PPARGC1B: variants seen among roughly 807,000 people sequenced by gnomAD.
PPARGC1B encodes peroxisome proliferator-activated receptor gamma coactivator 1-beta.
A neutral mutation model predicts 101.6 loss-of-function variants in PPARGC1B; 34 were observed. The observed-to-expected ratio is 0.33, with a 90% CI of 0.25 to 0.45. The LOEUF is 0.45. Ranked by LOEUF, PPARGC1B falls within the 20% of genes least tolerant of loss-of-function variation. The pLI is 1.00. For missense variants in PPARGC1B, 1,234 were observed against 1,317.6 expected (o/e 0.94, Z 0.98); for synonymous variants, 548 against 539.3 (o/e 1.02, Z -0.22).
chr5:149,776,874 G>A (rs1263115267), intron 1 of PPARGC1B, among the ~76,000 whole-genome samples: 4 of 152,206 alleles, frequency 2.6e-5, no homozygotes, highest in Admixed American at 2.6e-4. Flanking sequence ...GACAGGGAGA[G>A]GCTCTCCTGG....
intron 6 of PPARGC1B, 131 bp from the exon 7 acceptor site, chr5:149,835,170 T>G (rs1028750676): frequency 3.7e-6 from 3 of 816,930 alleles, no homozygotes; most frequent in Non-Finnish European, 2.1e-6. Flanking sequence ...CGAATGCATC[T>G]CAGGCTCCAT....
chr5:149,801,514 G>C (rs1757429029), intron 1 of PPARGC1B, among the ~76,000 whole-genome samples: 1 of 152,224 alleles, frequency 6.6e-6, no homozygotes, highest in South Asian at 2.1e-4. Flanking sequence ...GCAGGACTCA[G>C]AGTGGCAGTA....
At position 149,788,549 on chromosome 5, in the gene PPARGC1B, C is replaced by T. The variant is rs1238196126; in HGVS notation, c.79-31884C>T. ...CTTAAGGATCTAGAACTAGAAATAA[C>T]ATTTGACCCAGCCATCCCATTACTG... On this transcript the variant is annotated intron_variant, in intron 1 of 11. Transcript: ENST00000309241. Among the ~76,000 whole-genome samples the T allele has an allele frequency of 3.9e-5, 6 of 152,302 alleles. No homozygotes were observed. The East Asian group carries it at 7.7e-4, about 20-fold the overall frequency.
chr5:149,741,626 C>CTT (rs11332172), intron 1 of PPARGC1B, among the ~76,000 whole-genome samples: 58 of 139,470 alleles, frequency 4.2e-4, no homozygotes, highest in East Asian at 6.3e-4. Flanking sequence ...CCAAAATATT[C>CTT]TTTTTTTTTT....
At chr5:149,776,147 A>G (rs1392888475) in intron 1 of PPARGC1B, among the ~76,000 whole-genome samples, 1 of 141,092 alleles carries the variant, frequency 7.1e-6, no homozygotes, top group African/African-American at 2.5e-5. Context: ...TGTACATTCT[A>G]TTCTAACTCT....
At chr5:149,783,700 T>C (rs559350161) in intron 1 of PPARGC1B, among the ~76,000 whole-genome samples, 6 of 152,314 alleles carry the variant, frequency 3.9e-5, no homozygotes, top group African/African-American at 1.4e-4. Context: ...GGGTTTCAAA[T>C]TCCCCCTCTT....
At chr5:149,821,668 G>A (rs1758303487) in intron 2 of PPARGC1B, among the ~76,000 whole-genome samples, 2 of 152,138 alleles carry the variant, frequency 1.3e-5, no homozygotes, top group Non-Finnish European at 2.9e-5. Context: ...CTCTCCAAGC[G>A]TCCTCCTCAT....
chr5:149,769,957 C>T (rs1051356570), intron 1 of PPARGC1B, among the ~76,000 whole-genome samples: 2 of 152,088 alleles, frequency 1.3e-5, no homozygotes. Flanking sequence ...TCGGCAGAGT[C>T]CCTTTTGCCC....
intron 1 of PPARGC1B, among the ~76,000 whole-genome samples, chr5:149,751,455 C>T (rs1378618294): frequency 6.6e-6 from 1 of 152,132 alleles, no homozygotes; most frequent in Non-Finnish European, 1.5e-5. Context: ...CCTGTAATCC[C>T]AGCACTTTGG....
intron 1 of PPARGC1B, among the ~76,000 whole-genome samples, chr5:149,818,412 G>C (rs1269406402): frequency 1.3e-5 from 2 of 152,170 alleles, no homozygotes; most frequent in Non-Finnish European, 2.9e-5. Flanking sequence ...GTGGGGCCAT[G>C]CTCCCAGAGA....
intron 1 of PPARGC1B, among the ~76,000 whole-genome samples, chr5:149,745,389 C>A (rs1347209925): frequency 6.6e-6 from 1 of 152,166 alleles, no homozygotes; most frequent in Non-Finnish European, 1.5e-5. Context: ...AATTACACAT[C>A]TGGGGCTGTC....
Position 149,837,054 on chromosome 5 carries a change from G to A in PPARGC1B, c.2599G>A (p.Ala867Thr), listed in dbSNP as rs1759126706. The change falls in exon 8 of 12, where the codon GCC (alanine) becomes ACC (threonine). Residue 867 changes from alanine to threonine, a missense_variant. By Grantham distance (58) the Ala-to-Thr change is moderately conservative. Coordinates refer to ENST00000309241, the MANE Select transcript of PPARGC1B (RefSeq NM_133263.4). This position sits in a 1 kb window ranked among gnomAD's most constrained non-coding sequence, Gnocchi z 4.2. The stretch of plus-strand genomic sequence containing the variant: ...TTCACCCTGCCACTCCTGGTCACCA[G>A]CCACTCGAAGGAACTTCAGGTATGA... ...GSSPCHSWSP[A>T]TRRNFRCESR... is the part of the protein sequence containing the mutation. The A allele has an allele frequency of 6.2e-7, 1 of 1,613,090 alleles. No individual in the cohort carries two copies. Among genetic ancestry groups the A allele is most frequent in the Non-Finnish European group, 8.5e-7 (1 of 1,179,714 alleles).
chr5:149,742,826 G>A (rs761723891), intron 1 of PPARGC1B, among the ~76,000 whole-genome samples: 36 of 152,184 alleles, frequency 2.4e-4, no homozygotes, highest in Non-Finnish European at 2.4e-4. Context: ...CAATTGCAGT[G>A]GTGGCTAATT....
chr5:149,808,882 G>A (rs937347119), intron 1 of PPARGC1B, among the ~76,000 whole-genome samples: 1 of 152,190 alleles, frequency 6.6e-6, no homozygotes, highest in Non-Finnish European at 1.5e-5. Context: ...CAGTAAACAA[G>A]TAGATAAATT....
rs914801349 is a variant in PPARGC1B, at chr5:149,854,303, T to A, written c.*6745T>A. 1 of 151,750 alleles carries A rather than the reference T, an allele frequency of 6.6e-6. No individual in the cohort carries two copies. The highest frequency in any genetic ancestry group is 1.9e-4 in the East Asian group (1 of 5,158). The allele number at this position is 151,750 out of a possible 1,614,324, so 9.4% of individuals were successfully genotyped here. A position where few individuals can be genotyped will look rare whatever the true frequency, so the allele number is the denominator to read the frequency against. ...ACAAGGTAACTACGGCCTGAGTGCG[T>A]GAGTGTAAGGCTGTGTTTGTGGTGG... is the stretch of plus-strand genomic sequence containing the variant. On this transcript the variant is annotated 3_prime_UTR_variant, in exon 12 of 12. Coordinates refer to ENST00000309241, the MANE Select transcript of PPARGC1B (RefSeq NM_133263.4).
intron 8 of PPARGC1B, among the ~76,000 whole-genome samples, chr5:149,839,147 A>G (rs1461486492): frequency 6.6e-6 from 1 of 152,200 alleles, no homozygotes; most frequent in African/African-American, 2.4e-5. Flanking sequence ...AATAGAGCAA[A>G]TATTTACGGA....
Position 149,833,328 on chromosome 5 carries a change from G to A in PPARGC1B, c.1255G>A (p.Glu419Lys). The A allele has an allele frequency of 6.2e-7, 1 of 1,613,516 alleles. No homozygotes were observed. The highest frequency in any genetic ancestry group is 8.5e-7 in the Non-Finnish European group (1 of 1,180,046). Residue 419 changes from glutamate (E) to lysine (K), a missense_variant, in exon 5 of 12, where the codon GAG (glutamate) becomes AAG (lysine). This residue lies in a region of PPARGC1B where 734 missense variants were observed against 768.4 expected (regional missense o/e 0.96). Coordinates refer to ENST00000309241, the MANE Select transcript of PPARGC1B (RefSeq NM_133263.4). The surrounding 1 kb of genome is among the most constrained non-coding windows in gnomAD (Gnocchi z 4.1). ...CCCACTGCGGCTGGAGGTGAAAAGGGAGGTCCGCCGGCCTGCCAGACTGCA... is the reference window on the plus strand; with the variant it reads ...CCCACTGCGGCTGGAGGTGAAAAGGAAGGTCCGCCGGCCTGCCAGACTGCA... Reference protein sequence around the residue: ...LRPLRLEVKREVRRPARLQQQ... With the variant: ...LRPLRLEVKRKVRRPARLQQQ...
At chr5:149,802,719 C>T (rs1757469165) in intron 1 of PPARGC1B, among the ~76,000 whole-genome samples, 1 of 151,774 alleles carries the variant, frequency 6.6e-6, no homozygotes, top group Admixed American at 6.6e-5. Context: ...TCAGGTGTTG[C>T]ATCCATGGTC....
intron 1 of PPARGC1B, among the ~76,000 whole-genome samples, chr5:149,774,164 G>A (rs919034946): frequency 3.9e-5 from 6 of 152,322 alleles, no homozygotes; most frequent in Admixed American, 6.5e-5. Flanking sequence ...GAGCCCCAGC[G>A]GAAAGTCCAG....
Sources: allele counts gnomAD v4.1 joint callset (sites outside exome capture counted in the v4.1 genomes callset), GRCh38; gene constraint gnomAD v4.1.1; regional missense constraint gnomAD v4.1.1; non-coding constraint Gnocchi (gnomAD v3.1); transcripts MANE v1.5; gene names NCBI Gene and HGNC (gene_info 2026-07-23, HGNC 2026-07-21).